Variants in HTR1E observed in about 807,000 individuals in gnomAD.
HTR1E encodes 5-hydroxytryptamine receptor 1E.
Under a neutral mutation model 3.4 loss-of-function variants are expected in HTR1E, and 3 were observed. The ratio of observed to expected loss-of-function variants is 0.89; its 90% CI spans 0.41 to 2.31. HTR1E has a LOEUF of 2.31. Among genes scored for constraint, HTR1E ranks in the 30% most tolerant of loss-of-function variants. The pLI is 0.05. For synonymous variants in HTR1E, 170 were observed against 182.8 expected (o/e 0.93, Z 0.56); for missense variants, 392 against 467.0 (o/e 0.84, Z 1.48).
In HTR1E at chr6:87,010,390, C is replaced by T. The variant is rs113990623; in HGVS notation, c.-185-4760C>T. ...CTGACCCCCCCATCTCCCTCCCGGA[C>T]GGGGTGGCTGGCCGGGCTGAGGGGC... is the stretch of plus-strand genomic sequence containing the variant. On this transcript the variant is annotated intron_variant, in intron 1 of 1. Transcript: ENST00000305344. Among the ~76,000 whole-genome samples, 907 of 135,210 alleles carry T rather than the reference C, an allele frequency of 6.7e-3. 5 individuals carry two copies. Among genetic ancestry groups the T allele is most frequent in the East Asian group, 0.046 (194 of 4,190 alleles). The allele number at this position is 135,210 out of a possible 152,430, so 88.7% of individuals were successfully genotyped here. A position where few individuals can be genotyped will look rare whatever the true frequency, so the allele number is the denominator to read the frequency against.
At chr6:86,980,941 A>T (rs1012420305) in intron 1 of HTR1E, among the ~76,000 whole-genome samples, 1 of 152,174 alleles carries the variant, frequency 6.6e-6, no homozygotes. Flanking sequence ...CCGTGTGTAC[A>T]TGCACCTGGA....
intron 1 of HTR1E, among the ~76,000 whole-genome samples, chr6:86,973,681 A>C (rs1326687853): frequency 6.6e-6 from 1 of 152,204 alleles, no homozygotes; most frequent in Non-Finnish European, 1.5e-5. Flanking sequence ...GACATAGGAC[A>C]TATAAAGAAG....
intron 1 of HTR1E, among the ~76,000 whole-genome samples, chr6:86,985,574 G>C (rs6904502): frequency 1.3e-5 from 2 of 152,136 alleles, no homozygotes; most frequent in African/African-American, 4.8e-5. Flanking sequence ...GAAGATATGA[G>C]GGAAGGTGTT....
At chr6:86,947,773 A>C (rs1278769986) in intron 1 of HTR1E, among the ~76,000 whole-genome samples, 2 of 152,230 alleles carry the variant, frequency 1.3e-5, no homozygotes, top group African/African-American at 2.4e-5. Flanking sequence ...ACTATATCCA[A>C]AGTGGAATTT....
At chr6:87,010,035 A>G (rs1768184985) in intron 1 of HTR1E, among the ~76,000 whole-genome samples, 1 of 120,330 alleles carries the variant, frequency 8.3e-6, no homozygotes, top group South Asian at 3.1e-4. Context: ...TCCCTCCCGG[A>G]CGGGGTGGCT....
chr6:87,009,836 AC>A lies in HTR1E; in HGVS notation c.-185-5305del, dbSNP rs1247245071. Among the ~76,000 whole-genome samples, 147 of 36,690 alleles carry A rather than the reference AC, an allele frequency of 4.0e-3. 6 individuals are homozygous for A. Among genetic ancestry groups the A allele is most frequent in the Admixed American group, 0.01 (33 of 3,184 alleles). 24.1% of individuals were successfully genotyped at this position (36,690 alleles called of 152,430 possible). On this transcript the variant is annotated intron_variant, in intron 1 of 1. Transcript: ENST00000305344. ...GGCGGCTGGCCGGGCGGGGGGACTG[AC>A]CCCCCCCCACCTCCCTCCCGGACGG... is the stretch of plus-strand genomic sequence containing the variant.
At chr6:86,977,144 G>C (rs1360765550) in intron 1 of HTR1E, among the ~76,000 whole-genome samples, 1 of 152,100 alleles carries the variant, frequency 6.6e-6, no homozygotes, top group Non-Finnish European at 1.5e-5. Context: ...CAGGGAGTAA[G>C]CTTAGTACCC....
At chr6:86,965,999 T>C (rs1483281330) in intron 1 of HTR1E, among the ~76,000 whole-genome samples, 2 of 147,770 alleles carry the variant, frequency 1.4e-5, no homozygotes, top group African/African-American at 2.5e-5. Flanking sequence ...CAAAAACCTA[T>C]GGAAATAAAA....
chr6:86,957,197 C>A (rs1767338512), intron 1 of HTR1E, among the ~76,000 whole-genome samples: 1 of 152,174 alleles, frequency 6.6e-6, no homozygotes. Context: ...GGCTCCAGCC[C>A]AGGGGCATTT....
In HTR1E at chr6:87,016,226, G is replaced by A; in HGVS notation, c.892G>A (p.Gly298Ser). 6.2e-7 allele frequency: 1 copy of A among 1,614,024 alleles called. No individual in the cohort carries two copies. Among genetic ancestry groups the A allele is most frequent in the Admixed American group, 1.7e-5 (1 of 60,008 alleles). Residue 298 changes from glycine to serine, a missense_variant, in exon 2 of 2, where the codon GGT becomes AGT. Transcript: ENST00000305344. ...KAARILGLIL[G>S]AFILSWLPFF... ...AGCACGCATCCTGGGGCTGATTCTG[G>A]GTGCATTCATTTTATCCTGGCTGCC... is the stretch of plus-strand genomic sequence containing the variant.
intron 1 of HTR1E, among the ~76,000 whole-genome samples, chr6:86,967,450 A>G (rs1767486291): frequency 6.6e-6 from 1 of 152,138 alleles, no homozygotes; most frequent in African/African-American, 2.4e-5. Flanking sequence ...TGCCTTGCTA[A>G]AAGGTGTGAT....
intron 1 of HTR1E, among the ~76,000 whole-genome samples, chr6:87,000,572 G>T (rs1768006448): frequency 6.6e-6 from 1 of 152,174 alleles, no homozygotes; most frequent in Admixed American, 6.5e-5. Context: ...GGAAACCTTA[G>T]AGGCCAGGAG....
chr6:86,995,343 A>G (rs1476324708), intron 1 of HTR1E, among the ~76,000 whole-genome samples: 1 of 148,146 alleles, frequency 6.8e-6, no homozygotes, highest in Non-Finnish European at 1.5e-5. Context: ...CATACGAATG[A>G]AAGACAAAGA....
intron 1 of HTR1E, among the ~76,000 whole-genome samples, chr6:86,943,107 T>A (rs1401442515): frequency 3.3e-5 from 5 of 152,230 alleles, no homozygotes; most frequent in Admixed American, 3.3e-4. Context: ...AGTTAATGAT[T>A]ACATAGTATT....
intron 1 of HTR1E, among the ~76,000 whole-genome samples, chr6:86,989,718 A>G (rs1767846092): frequency 6.6e-6 from 1 of 152,206 alleles, no homozygotes; most frequent in South Asian, 2.1e-4. Context: ...AGATGGTCAG[A>G]AATAATGAGG....
intron 1 of HTR1E, among the ~76,000 whole-genome samples, chr6:86,987,956 G>A (rs750608261): frequency 3.3e-5 from 5 of 152,064 alleles, no homozygotes; most frequent in South Asian, 2.1e-4. Flanking sequence ...CCTGACTTTC[G>A]GAGAGGACAT....
At chr6:87,009,418 T>C (rs984601654) in intron 1 of HTR1E, among the ~76,000 whole-genome samples, 1 of 152,078 alleles carries the variant, frequency 6.6e-6, no homozygotes, top group Non-Finnish European at 1.5e-5. Context: ...CAGAGGAATT[T>C]TTCTTAGTGC....
intron 1 of HTR1E, among the ~76,000 whole-genome samples, chr6:86,948,162 C>T (rs1767152678): frequency 6.6e-6 from 1 of 152,252 alleles, no homozygotes; most frequent in Admixed American, 6.5e-5. Flanking sequence ...TGTTAGTTTG[C>T]CGAGAATGAT....
intron 1 of HTR1E, among the ~76,000 whole-genome samples, chr6:87,003,125 T>C (rs1215169841): frequency 3.9e-5 from 6 of 152,184 alleles, no homozygotes; most frequent in Non-Finnish European, 7.3e-5. Flanking sequence ...ATCAAATATC[T>C]TCTCTGGCTA....
Sources: allele counts gnomAD v4.1 joint callset (sites outside exome capture counted in the v4.1 genomes callset), GRCh38; gene constraint gnomAD v4.1.1; transcripts MANE v1.5; gene names NCBI Gene and HGNC (gene_info 2026-07-23, HGNC 2026-07-21).